Variants in BAZ2B observed in about 807,000 individuals in gnomAD.
BAZ2B encodes bromodomain adjacent to zinc finger domain 2B, also known as bromodomain adjacent to zinc finger domain protein 2B.
A neutral mutation model predicts 246.0 loss-of-function variants in BAZ2B; 91 were observed. That is an observed-to-expected ratio of 0.37 (90% CI 0.31 to 0.44). The LOEUF is 0.44. BAZ2B is among the 20% of genes least tolerant of loss of function. The pLI, the probability that BAZ2B is intolerant of heterozygous loss-of-function variation, is 1.00. For missense variants in BAZ2B, 2,332 were observed against 2,533.7 expected (o/e 0.92, Z 1.71); for synonymous variants, 855 against 860.0 (o/e 0.99, Z 0.10).
chr2:159,391,260 A>G (rs2063299022), intron 20 of BAZ2B, among the ~76,000 whole-genome samples: 1 of 152,186 alleles, frequency 6.6e-6, no homozygotes, highest in South Asian at 2.1e-4. Flanking sequence ...GATGTTTGTC[A>G]CTAAAGAATT....
intron 2 of BAZ2B, among the ~76,000 whole-genome samples, chr2:159,506,261 C>G (rs929517477): frequency 6.6e-6 from 1 of 152,080 alleles, no homozygotes; most frequent in African/African-American, 2.4e-5. Flanking sequence ...TCTATTGCTT[C>G]TTGAGGCTCT....
chr2:159,677,970 A>G, the BAZ2B span, among the ~76,000 whole-genome samples: 1 of 152,236 alleles, frequency 6.6e-6, no homozygotes, highest in African/African-American at 2.4e-5. Context: ...GAAAACTTAA[A>G]CAAAATTATC....
chr2:159,429,520 C>A (rs2070684646), intron 10 of BAZ2B, among the ~76,000 whole-genome samples: 1 of 151,936 alleles, frequency 6.6e-6, no homozygotes, highest in South Asian at 2.1e-4. Context: ...AAATATACAC[C>A]TTTCCTCTCA....
chr2:159,343,899 G>A (rs1208382016), intron 31 of BAZ2B, among the ~76,000 whole-genome samples: 6 of 151,666 alleles, frequency 4.0e-5, no homozygotes, highest in Admixed American at 6.6e-5. Flanking sequence ...GGTGGTGGGC[G>A]CCTGTAGTCT....
intron 6 of BAZ2B, among the ~76,000 whole-genome samples, chr2:159,440,338 C>G (rs1037412380): frequency 3.3e-5 from 5 of 151,976 alleles, no homozygotes; most frequent in Admixed American, 3.3e-4. Context: ...TATGACTACT[C>G]GGGATTGGGG....
chr2:159,417,175 G>GA (rs2067877503), intron 13 of BAZ2B, among the ~76,000 whole-genome samples: 1 of 134,586 alleles, frequency 7.4e-6, no homozygotes, highest in Non-Finnish European at 1.6e-5. Flanking sequence ...TTTTTTTTTT[G>GA]TTTTTTTTTT....
chr2:159,443,165 A>G (rs563950350), intron 6 of BAZ2B, among the ~76,000 whole-genome samples: 149 of 152,302 alleles, frequency 9.8e-4, no homozygotes, highest in African/African-American at 3.2e-3. Context: ...ATACTTTCAA[A>G]CCATAAAAAA....
chr2:159,704,947 C>T, the BAZ2B span, among the ~76,000 whole-genome samples: 1 of 152,026 alleles, frequency 6.6e-6, no homozygotes, highest in East Asian at 1.9e-4. Context: ...CGTGATCCGC[C>T]CAGTTCGGCC....
chr2:159,590,610 A>G (rs77854921), intron 1 of BAZ2B, among the ~76,000 whole-genome samples: 7 of 101,686 alleles, frequency 6.9e-5, no homozygotes, highest in Non-Finnish European at 1.4e-4. Flanking sequence ...TAAATAAATA[A>G]ATAGATAGAT....
At chr2:159,557,570 C>G (rs1380015293) in intron 1 of BAZ2B, among the ~76,000 whole-genome samples, 1 of 152,090 alleles carries the variant, frequency 6.6e-6, no homozygotes, top group Non-Finnish European at 1.5e-5. Context: ...TTCTCCATAT[C>G]TTCATAGGAC....
At chr2:159,687,330 C>T in the BAZ2B span, among the ~76,000 whole-genome samples, 1 of 152,190 alleles carries the variant, frequency 6.6e-6, no homozygotes, top group Non-Finnish European at 1.5e-5. Context: ...AAGATAGAGG[C>T]TGGTTGCCAG....
intron 2 of BAZ2B, among the ~76,000 whole-genome samples, chr2:159,538,879 C>T (rs1457993645): frequency 1.3e-5 from 2 of 152,192 alleles, no homozygotes; most frequent in Non-Finnish European, 2.9e-5. Flanking sequence ...TAACAAAATG[C>T]AACATAACGC....
intron 2 of BAZ2B, among the ~76,000 whole-genome samples, chr2:159,524,094 GC>G (rs1331075163): frequency 1.3e-5 from 2 of 152,010 alleles, no homozygotes; most frequent in Non-Finnish European, 2.9e-5. Flanking sequence ...AGCAGAGGAG[GC>G]CTTTCTTCAA....
At chr2:159,670,180 A>G in the BAZ2B span, among the ~76,000 whole-genome samples, 1 of 152,128 alleles carries the variant, frequency 6.6e-6, no homozygotes, top group Non-Finnish European at 1.5e-5. Flanking sequence ...TGTGTTGGCC[A>G]CGCTGGTCTC....
In BAZ2B at chr2:159,430,979, C is replaced by T. The variant is rs201121459; in HGVS notation, c.2078G>A (p.Arg693His). The T allele has an allele frequency of 8.0e-5, 129 of 1,613,822 alleles. No homozygotes were observed. The highest frequency in any genetic ancestry group is 1.0e-4 in the Non-Finnish European group (118 of 1,179,900). ...SMSLTGHSTP[R>H]NLHIAKAPGS... ...TGGGGCTTTTGCTATGTGGAGGTTA[C>T]GAGGTGTTGAGTGACCTGTGAGACT... is the stretch of plus-strand genomic sequence containing the variant. Residue 693 changes from arginine to histidine, a missense_variant, in exon 10 of 37, where the codon CGT (arginine) becomes CAT (histidine). This residue lies in a region of BAZ2B where 651 missense variants were observed against 650.9 expected (regional missense o/e 1.00). Transcript: ENST00000392783.
intron 14 of BAZ2B, among the ~76,000 whole-genome samples, chr2:159,407,610 T>C (rs1163759187): frequency 6.6e-6 from 1 of 152,220 alleles, no homozygotes. Flanking sequence ...AGTTGGTCAC[T>C]ATGGCCAGTT....
chr2:159,320,434 T>C lies in BAZ2B; in HGVS notation c.6354-16A>G, dbSNP rs751940695. On this transcript the variant is annotated splice_polypyrimidine_tract_variant and intron_variant, in intron 36 of 36. Coordinates refer to ENST00000392783, the MANE Select transcript of BAZ2B (RefSeq NM_013450.4). ...GTTTGGATACCTGAAAGAAAACAAA[T>C]AATTAGAGATTGCGTTCATAGAGTG... The C allele has an allele frequency of 1.3e-6, 2 of 1,536,954 alleles. No homozygotes were observed. Among genetic ancestry groups the C allele is most frequent in the Admixed American group, 2.4e-5 (1 of 41,322 alleles).
the BAZ2B span, among the ~76,000 whole-genome samples, chr2:159,627,848 G>A: frequency 3.3e-5 from 5 of 152,134 alleles, no homozygotes; most frequent in African/African-American, 4.8e-5. Flanking sequence ...GAAATAAAGG[G>A]TATTCAAATA....
In BAZ2B at chr2:159,582,150, G is replaced by A. The variant is rs74577196; in HGVS notation, c.-45-26285C>T. Reference sequence around the variant, plus strand: ...TCACATGGCAGACTTCTGTTGCATAGGTAGAATATATAATCAAACTGCAGA... The same window carrying A: ...TCACATGGCAGACTTCTGTTGCATAAGTAGAATATATAATCAAACTGCAGA... On this transcript the variant is annotated intron_variant, in intron 1 of 36. Coordinates refer to ENST00000392783, the MANE Select transcript of BAZ2B (RefSeq NM_013450.4). Among the ~76,000 whole-genome samples, 1,089 of 152,184 alleles carry A rather than the reference G, an allele frequency of 7.2e-3. 5 individuals are homozygous for A. Among genetic ancestry groups the A allele is most frequent in the Non-Finnish European group, 0.01 (708 of 68,014 alleles).
Sources: allele counts gnomAD v4.1 joint callset (sites outside exome capture counted in the v4.1 genomes callset), GRCh38; gene constraint gnomAD v4.1.1; regional missense constraint gnomAD v4.1.1; transcripts MANE v1.5; gene names NCBI Gene and HGNC (gene_info 2026-07-23, HGNC 2026-07-21).